The following RIMS2 variants were observed in gnomAD, a reference collection of about 807,000 sequenced individuals.
RIMS2 encodes regulating synaptic membrane exocytosis 2, also known as regulating synaptic membrane exocytosis protein 2.
In RIMS2, 59 loss-of-function variants were observed where a neutral mutation model predicts 174.4. The ratio of observed to expected loss-of-function variants is 0.34; its 90% CI spans 0.27 to 0.42. The LOEUF (loss-of-function observed/expected upper bound fraction) is 0.42, where lower values mean the gene tolerates loss of function less well. Among genes scored for constraint, RIMS2 ranks in the 10% least tolerant of loss-of-function variants. The pLI is 1.00. For missense variants in RIMS2, 1,620 were observed against 1,666.3 expected (o/e 0.97, Z 0.48); for synonymous variants, 606 against 572.5 (o/e 1.06, Z -0.84).
chr8:103,747,531 A>G (rs2097837937), intron 2 of RIMS2, among the ~76,000 whole-genome samples: 1 of 152,150 alleles, frequency 6.6e-6, no homozygotes, highest in Non-Finnish European at 1.5e-5. Context: ...TATGAAAAGA[A>G]TGGAAGCTGG....
intron 19 of RIMS2, among the ~76,000 whole-genome samples, chr8:104,025,708 T>TACACACACACACAC (rs34638633): frequency 6.7e-6 from 1 of 149,266 alleles, no homozygotes; most frequent in Non-Finnish European, 1.5e-5. Context: ...GTTAAACGTA[T>TACACACACACACAC]ACACACACAC....
chr8:103,907,832 G>A (rs1479458739), intron 4 of RIMS2, among the ~76,000 whole-genome samples: 1 of 150,772 alleles, frequency 6.6e-6, no homozygotes, highest in Non-Finnish European at 1.5e-5. Flanking sequence ...TGCAAGTTCC[G>A]CCTCCCGGGT....
intron 3 of RIMS2, among the ~76,000 whole-genome samples, chr8:103,884,182 G>A (rs569549992): frequency 1.3e-5 from 2 of 151,824 alleles, no homozygotes; most frequent in East Asian, 2.0e-4. Context: ...TTGCCAGGTT[G>A]GGTCATTCTA....
intron 19 of RIMS2, among the ~76,000 whole-genome samples, chr8:104,062,478 T>C (rs1450869183): frequency 6.6e-6 from 1 of 152,218 alleles, no homozygotes; most frequent in Non-Finnish European, 1.5e-5. Flanking sequence ...CCTTTTAAAA[T>C]ACAGTTATGA....
At chr8:103,744,585 C>T (rs187936375) in intron 2 of RIMS2, among the ~76,000 whole-genome samples, 1 of 152,296 alleles carries the variant, frequency 6.6e-6, no homozygotes, top group East Asian at 1.9e-4. Context: ...GTACCCTACT[C>T]ATATGCCTTC....
At chr8:104,152,358 C>T (rs1397925485) in intron 19 of RIMS2, among the ~76,000 whole-genome samples, 1 of 152,066 alleles carries the variant, frequency 6.6e-6, no homozygotes, top group African/African-American at 2.4e-5. Flanking sequence ...ATAGATTTGA[C>T]CTGCTGACAA....
In RIMS2 at chr8:103,774,666, T is replaced by C. The variant is rs193075172; in HGVS notation, c.698+8129T>C. Among the ~76,000 whole-genome samples the C allele has an allele frequency of 4.9e-4, 75 of 152,246 alleles. 1 individual carries two copies. Among genetic ancestry groups the C allele is most frequent in the Admixed American group, 1.3e-3 (20 of 15,296 alleles). On this transcript the variant is annotated intron_variant, in intron 3 of 23. Transcript: ENST00000504942. ...AATCATTGTGATGAATGGAAGAAGC[T>C]AGACACAAAAGAGTACATATGATAT...
At chr8:104,187,224 A>G (rs2098972964) in intron 19 of RIMS2, among the ~76,000 whole-genome samples, 1 of 151,820 alleles carries the variant, frequency 6.6e-6, no homozygotes, top group Non-Finnish European at 1.5e-5. Flanking sequence ...AAATATAAAT[A>G]TGGAAACTGT....
intron 6 of RIMS2, among the ~76,000 whole-genome samples, chr8:103,912,490 A>G (rs1565268210): frequency 6.6e-6 from 1 of 152,136 alleles, no homozygotes. Flanking sequence ...GTCAAAATCT[A>G]TGTTTATATT....
At chr8:103,967,129 C>G (rs1319052074) in intron 15 of RIMS2, among the ~76,000 whole-genome samples, 1 of 126,852 alleles carries the variant, frequency 7.9e-6, no homozygotes, top group Non-Finnish European at 1.6e-5. Flanking sequence ...TTTGAGTTCA[C>G]TTATCTTCTT....
chr8:104,126,486 A>G lies in RIMS2; in HGVS notation c.3334+111871A>G, dbSNP rs2098431692. ...TGGTGGGGCCTAAGTCCTCCAATAT[A>G]GTACAGTACTCAAGCAAATGGTCTC... is the stretch of plus-strand genomic sequence containing the variant. On this transcript the variant is annotated intron_variant, in intron 19 of 23. Coordinates refer to ENST00000504942, the Ensembl canonical transcript of RIMS2. 2.0e-5 allele frequency among the ~76,000 whole-genome samples: 3 copies of G among 152,174 alleles called. No individual in the cohort carries two copies. The South Asian group carries it at 6.2e-4, about 31-fold the overall frequency.
exon 14 of RIMS2, chr8:103,942,906 G>C: frequency 6.2e-7 from 1 of 1,608,448 alleles, no homozygotes; most frequent in Non-Finnish European, 8.5e-7. Flanking sequence ...CATGGAGAGA[G>C]CCCAACACGG....
intron 1 of RIMS2, among the ~76,000 whole-genome samples, chr8:103,610,815 T>C (rs745410825): frequency 2.0e-5 from 3 of 152,182 alleles, no homozygotes; most frequent in Non-Finnish European, 4.4e-5. Flanking sequence ...TGCCATGTTT[T>C]GGTATCAGGA....
intron 1 of RIMS2, among the ~76,000 whole-genome samples, chr8:103,545,116 T>G (rs968673444): frequency 4.6e-5 from 7 of 152,016 alleles, no homozygotes; most frequent in Admixed American, 2.0e-4. Flanking sequence ...AGGAGAAAGA[T>G]GAAACTCAAT....
At chr8:103,898,357 C>T (rs2099303541) in intron 4 of RIMS2, among the ~76,000 whole-genome samples, 1 of 151,632 alleles carries the variant, frequency 6.6e-6, no homozygotes, top group Non-Finnish European at 1.5e-5. Context: ...TTTGTCCATC[C>T]CAGGGGTATG....
intron 3 of RIMS2, among the ~76,000 whole-genome samples, chr8:103,882,002 G>T (rs2099169597): frequency 6.6e-6 from 1 of 151,376 alleles, no homozygotes; most frequent in Non-Finnish European, 1.5e-5. Flanking sequence ...CATAATTTTG[G>T]ATTCTGCCTC....
At chr8:103,758,278 T>G (rs1046098271) in intron 2 of RIMS2, among the ~76,000 whole-genome samples, 6 of 152,222 alleles carry the variant, frequency 3.9e-5, no homozygotes, top group African/African-American at 1.4e-4. Context: ...GAACCAGATA[T>G]TCATTAATGA....
At chr8:104,137,005 A>T (rs1333201639) in intron 19 of RIMS2, among the ~76,000 whole-genome samples, 1 of 152,186 alleles carries the variant, frequency 6.6e-6, no homozygotes, top group African/African-American at 2.4e-5. Flanking sequence ...AAAATTAACA[A>T]ATTAGTCTAT....
intron 1 of RIMS2, among the ~76,000 whole-genome samples, chr8:103,663,170 CA>C (rs34790575): frequency 0.23 from 31,529 of 139,396 alleles, 3,327 homozygotes; most frequent in Middle Eastern, 0.34. Context: ...GATTCTGTCT[CA>C]AAAAAAAAAA....
Sources: allele counts gnomAD v4.1 joint callset (sites outside exome capture counted in the v4.1 genomes callset), GRCh38; gene constraint gnomAD v4.1.1; transcripts MANE v1.5; gene names NCBI Gene and HGNC (gene_info 2026-07-23, HGNC 2026-07-21).